The following INPP4B variants were observed in gnomAD, a reference collection of about 807,000 sequenced individuals.
The protein encoded by INPP4B is inositol polyphosphate 4-phosphatase type II.
INPP4B carries 55 observed loss-of-function variants against 122.5 expected under a neutral mutation model. That is an observed-to-expected ratio of 0.45 (90% CI 0.36 to 0.56). The LOEUF is 0.56. INPP4B is among the 20% of genes least tolerant of loss of function. The pLI, the probability that INPP4B is intolerant of heterozygous loss-of-function variation, is 0.00. For synonymous variants in INPP4B, 403 were observed against 388.7 expected (o/e 1.04, Z -0.43); for missense variants, 1,000 against 1,097.7 (o/e 0.91, Z 1.26).
chr4:142,509,931 G>A (rs1048968278), intron 2 of INPP4B, among the ~76,000 whole-genome samples: 1 of 152,112 alleles, frequency 6.6e-6, no homozygotes, highest in African/African-American at 2.4e-5. Context: ...GCGAAAATGG[G>A]AAACCTAAGA....
At chr4:142,789,000 T>C (rs1296306331) in intron 1 of INPP4B, among the ~76,000 whole-genome samples, 1 of 152,076 alleles carries the variant, frequency 6.6e-6, no homozygotes, top group African/African-American at 2.4e-5. Flanking sequence ...ATCATCTCAA[T>C]AGATGCAGAA....
chr4:142,333,010 C>CAAAAAAAAA (rs1158290884), intron 7 of INPP4B, among the ~76,000 whole-genome samples: 1 of 43,442 alleles, frequency 2.3e-5, no homozygotes, highest in African/African-American at 7.2e-5. Flanking sequence ...GACTCCGTCT[C>CAAAAAAAAA]AAAAAAAAAA....
At chr4:142,715,165 A>C (rs1052657902) in intron 2 of INPP4B, among the ~76,000 whole-genome samples, 3 of 152,270 alleles carry the variant, frequency 2.0e-5, no homozygotes, top group Admixed American at 1.3e-4. Context: ...TTCATCATTG[A>C]ATCCTAGTAT....
chr4:142,827,618 T>C (rs1162370887), intron 1 of INPP4B, among the ~76,000 whole-genome samples: 2 of 152,140 alleles, frequency 1.3e-5, no homozygotes, highest in Non-Finnish European at 2.9e-5. Context: ...AGAGACAAAC[T>C]TAGAGTCAGA....
chr4:142,324,767 G>A (rs138165146), intron 7 of INPP4B, among the ~76,000 whole-genome samples: 1 of 152,162 alleles, frequency 6.6e-6, no homozygotes, highest in Non-Finnish European at 1.5e-5. Flanking sequence ...GAAACTATGG[G>A]GACTTTCACT....
intron 2 of INPP4B, among the ~76,000 whole-genome samples, chr4:142,553,688 T>C (rs1349751930): frequency 2.0e-5 from 3 of 152,186 alleles, no homozygotes; most frequent in African/African-American, 7.2e-5. Context: ...TAATGTAACT[T>C]GTATTGCTGT....
chr4:142,663,489 A>G (rs1168463375), intron 2 of INPP4B, among the ~76,000 whole-genome samples: 1 of 152,124 alleles, frequency 6.6e-6, no homozygotes, highest in Non-Finnish European at 1.5e-5. Flanking sequence ...TAAGAATTAA[A>G]TGGATGACAT....
intron 21 of INPP4B, 43 bp downstream of exon 21, chr4:142,122,085 A>C (rs977823575): frequency 8.1e-7 from 1 of 1,233,890 alleles, no homozygotes; most frequent in African/African-American, 1.5e-5. Context: ...TTAACACGAC[A>C]TGTCTAACAA....
intron 2 of INPP4B, among the ~76,000 whole-genome samples, chr4:142,650,047 G>A (rs1325696732): frequency 6.6e-6 from 1 of 152,222 alleles, no homozygotes; most frequent in African/African-American, 2.4e-5. Flanking sequence ...CCAGAATAGA[G>A]TGGGGGCTAA....
intron 5 of INPP4B, among the ~76,000 whole-genome samples, chr4:142,423,438 T>C (rs1158178637): frequency 6.6e-6 from 1 of 152,070 alleles, no homozygotes; most frequent in East Asian, 1.9e-4. Flanking sequence ...AATGGGCTAC[T>C]AAAATACAGT....
At chr4:142,541,457 C>T (rs1828931370) in intron 2 of INPP4B, among the ~76,000 whole-genome samples, 1 of 152,100 alleles carries the variant, frequency 6.6e-6, no homozygotes, top group Non-Finnish European at 1.5e-5. Context: ...GGGTTGGCCC[C>T]AATGCACAAA....
chr4:142,026,317 G>GAAAC lies in INPP4B; in HGVS notation c.*2461_*2464dup, dbSNP rs1445391818. ...AAAAAAGCAATATTGTTGTCTCTAT[G>GAAAC]AAACACATTTTCTTGATGAAATCCA... On this transcript the variant is annotated 3_prime_UTR_variant, in exon 26 of 26. Coordinates refer to ENST00000262992, the MANE Select transcript of INPP4B (RefSeq NM_001101669.3). 6.6e-6 allele frequency: 1 copy of GAAAC among 152,146 alleles called. No homozygotes were observed. The highest frequency in any genetic ancestry group is 2.4e-5 in the African/African-American group (1 of 41,450). 9.4% of individuals were successfully genotyped at this position (152,146 alleles called of 1,614,324 possible).
At chr4:142,416,970 C>T (rs371286958) in intron 5 of INPP4B, among the ~76,000 whole-genome samples, 1 of 152,192 alleles carries the variant, frequency 6.6e-6, no homozygotes, top group Admixed American at 6.5e-5. Flanking sequence ...AGCAGAGGGT[C>T]TAATTACTTG....
Position 142,353,451 on chromosome 4 carries a change from A to G in INPP4B, c.373-38689T>C, listed in dbSNP as rs1782582456. ...GATTGGACCATGTTTTGTGGGACTGAAGCTTTCAGAAGTTTTTAAAAGGTC... is the reference window on the plus strand; with the variant it reads ...GATTGGACCATGTTTTGTGGGACTGGAGCTTTCAGAAGTTTTTAAAAGGTC... On this transcript the variant is annotated intron_variant, in intron 7 of 25. Transcript: ENST00000262992. Among the ~76,000 whole-genome samples the G allele has an allele frequency of 1.3e-5, 2 of 152,002 alleles. 1 individual carries two copies. The highest frequency in any genetic ancestry group is 4.1e-4 in the South Asian group (2 of 4,830).
At chr4:142,255,501 T>G (rs1031945865) in intron 11 of INPP4B, among the ~76,000 whole-genome samples, 1 of 151,862 alleles carries the variant, frequency 6.6e-6, no homozygotes, top group African/African-American at 2.4e-5. Context: ...AATAAAAGGA[T>G]GGAGGAAGAT....
At chr4:142,364,113 A>C (rs1579853193) in intron 7 of INPP4B, among the ~76,000 whole-genome samples, 1 of 152,092 alleles carries the variant, frequency 6.6e-6, no homozygotes, top group Admixed American at 6.6e-5. Flanking sequence ...GTGCTTGGGA[A>C]TATGAGAAAA....
chr4:142,062,195 G>A (rs776421478), intron 25 of INPP4B, among the ~76,000 whole-genome samples: 1 of 151,892 alleles, frequency 6.6e-6, no homozygotes, highest in Non-Finnish European at 1.5e-5. Flanking sequence ...CAGTTCAGGC[G>A]CACCAAGGGA....
At chr4:142,148,178 C>G (rs1561288432) in intron 17 of INPP4B, among the ~76,000 whole-genome samples, 1 of 152,086 alleles carries the variant, frequency 6.6e-6, no homozygotes, top group African/African-American at 2.4e-5. Flanking sequence ...TCCAGACTAG[C>G]TTTGTTCATA....
intron 18 of INPP4B, among the ~76,000 whole-genome samples, chr4:142,142,408 G>A (rs1222687377): frequency 6.6e-6 from 1 of 152,008 alleles, no homozygotes; most frequent in Non-Finnish European, 1.5e-5. Flanking sequence ...AGTGTCTTTT[G>A]TTATAGAGAA....
Sources: allele counts gnomAD v4.1 joint callset (sites outside exome capture counted in the v4.1 genomes callset), GRCh38; gene constraint gnomAD v4.1.1; transcripts MANE v1.5; gene names NCBI Gene and HGNC (gene_info 2026-07-23, HGNC 2026-07-21).